The following NRG1 variants were observed in gnomAD, a reference collection of about 807,000 sequenced individuals.
NRG1 encodes the protein neuregulin 1, also known as pro-neuregulin-1, membrane-bound isoform.
NRG1 carries 18 observed loss-of-function variants against 63.8 expected under a neutral mutation model. That is an observed-to-expected ratio of 0.28 (90% CI 0.19 to 0.42). The LOEUF is 0.42. NRG1 is among the 10% of genes least tolerant of loss of function. The pLI is 1.00. For synonymous variants in NRG1, 302 were observed against 301.3 expected (o/e 1.00, Z -0.02); for missense variants, 762 against 814.7 (o/e 0.94, Z 0.79).
intron 1 of NRG1, among the ~76,000 whole-genome samples, chr8:32,217,510 C>T (rs1266485129): frequency 1.3e-5 from 2 of 152,160 alleles, no homozygotes; most frequent in African/African-American, 4.8e-5. Context: ...GTCATTTTCT[C>T]TTCCATCTAC....
At chr8:32,260,073 T>C (rs1850197324) in intron 1 of NRG1, among the ~76,000 whole-genome samples, 1 of 152,186 alleles carries the variant, frequency 6.6e-6, no homozygotes, top group Non-Finnish European at 1.5e-5. Flanking sequence ...AAATGAGTGA[T>C]ACTGGGACAC....
At chr8:32,170,167 G>T (rs1204131251) in intron 1 of NRG1, among the ~76,000 whole-genome samples, 6 of 152,132 alleles carry the variant, frequency 3.9e-5, no homozygotes, top group African/African-American at 1.4e-4. Context: ...AGAACCATTA[G>T]ACAATAATTT....
chr8:32,045,916 T>C lies in NRG1; in HGVS notation c.37+406485T>C, dbSNP rs144400107. Among the ~76,000 whole-genome samples, 180 of 152,028 alleles carry C rather than the reference T, an allele frequency of 1.2e-3. 1 individual carries two copies. Among genetic ancestry groups the C allele is most frequent in the Middle Eastern group, 3.4e-3 (1 of 292 alleles). On this transcript the variant is annotated intron_variant, in intron 1 of 10. Transcript: ENST00000519301. ...AGTTTGGGCATATCTAAGAAGAAAATATATGTATATATTTGATAATTTAAA... is the reference window on the plus strand; with the variant it reads ...AGTTTGGGCATATCTAAGAAGAAAACATATGTATATATTTGATAATTTAAA...
chr8:32,158,928 C>A (rs1327334015), intron 1 of NRG1, among the ~76,000 whole-genome samples: 1 of 152,024 alleles, frequency 6.6e-6, no homozygotes, highest in Non-Finnish European at 1.5e-5. Context: ...AGCCCCTGAG[C>A]CACCACACAG....
At chr8:32,450,168 T>G (rs1382254857) in intron 1 of NRG1, among the ~76,000 whole-genome samples, 1 of 152,176 alleles carries the variant, frequency 6.6e-6, no homozygotes, top group Non-Finnish European at 1.5e-5. Context: ...GCACTTTAAG[T>G]GGACATTATG....
chr8:31,795,725 G>C (rs1821140392), intron 1 of NRG1, among the ~76,000 whole-genome samples: 1 of 152,002 alleles, frequency 6.6e-6, no homozygotes, highest in African/African-American at 2.4e-5. Context: ...CAACAAATAT[G>C]TAGGTACAAT....
downstream of NRG1, among the ~76,000 whole-genome samples, chr8:32,771,310 G>T (rs1212581828): frequency 1.5e-5 from 2 of 136,456 alleles, no homozygotes; most frequent in Non-Finnish European, 3.1e-5. Flanking sequence ...TTTTTTGGTA[G>T]GGACAAGGTC....
At chr8:32,691,840 T>G (rs1412961054) in intron 5 of NRG1, among the ~76,000 whole-genome samples, 1 of 152,200 alleles carries the variant, frequency 6.6e-6, no homozygotes, top group Non-Finnish European at 1.5e-5. Context: ...TCTTTTAGCT[T>G]TTCACATGAA....
chr8:32,740,190 C>CTTTTTTTTTT (rs35219061), intron 6 of NRG1, among the ~76,000 whole-genome samples: 1 of 92,516 alleles, frequency 1.1e-5, no homozygotes, highest in Non-Finnish European at 2.0e-5. Flanking sequence ...GACCCAACCT[C>CTTTTTTTTTT]TTTTTTTTTT....
At chr8:31,890,729 C>T (rs970045316) in intron 1 of NRG1, among the ~76,000 whole-genome samples, 3 of 152,178 alleles carry the variant, frequency 2.0e-5, no homozygotes, top group African/African-American at 4.8e-5. Flanking sequence ...AACATTCTAT[C>T]ATAGGAATGA....
intron 1 of NRG1, among the ~76,000 whole-genome samples, chr8:32,484,090 A>T (rs1365523847): frequency 7.1e-6 from 1 of 141,322 alleles, no homozygotes; most frequent in Non-Finnish European, 1.5e-5. Flanking sequence ...GCGACAGAGC[A>T]AGACTCCGTA....
At chr8:32,514,605 T>C (rs1358560844) in intron 1 of NRG1, among the ~76,000 whole-genome samples, 1 of 152,064 alleles carries the variant, frequency 6.6e-6, no homozygotes, top group Non-Finnish European at 1.5e-5. Flanking sequence ...ACCAAATGCA[T>C]GTGTTTTTGT....
intron 1 of NRG1, among the ~76,000 whole-genome samples, chr8:32,559,501 C>T (rs1466760928): frequency 6.6e-6 from 1 of 152,074 alleles, no homozygotes; most frequent in Non-Finnish European, 1.5e-5. Flanking sequence ...ATGTGATATA[C>T]ATATGCATGG....
intron 1 of NRG1, among the ~76,000 whole-genome samples, chr8:31,652,604 C>T (rs562759326): frequency 6.6e-6 from 1 of 152,184 alleles, no homozygotes; most frequent in African/African-American, 2.4e-5. Context: ...ATATTGTTCT[C>T]TTTTCCCAGA....
At chr8:32,608,107 G>GTTTTTTTTTTT (rs1224928528) in intron 3 of NRG1, among the ~76,000 whole-genome samples, 9 of 104,786 alleles carry the variant, frequency 8.6e-5, no homozygotes, top group Non-Finnish European at 1.3e-4. Flanking sequence ...TTTTTTTTTT[G>GTTTTTTTTTTT]TTTTTTTTTT....
intron 1 of NRG1, among the ~76,000 whole-genome samples, chr8:32,464,728 G>A (rs1822843528): frequency 6.6e-6 from 1 of 152,012 alleles, no homozygotes; most frequent in Non-Finnish European, 1.5e-5. Flanking sequence ...AGAACTCATG[G>A]ATATCTATGT....
At chr8:32,689,799 C>T (rs1811119951) in intron 5 of NRG1, among the ~76,000 whole-genome samples, 1 of 152,098 alleles carries the variant, frequency 6.6e-6, no homozygotes, top group South Asian at 2.1e-4. Context: ...AAATATAGCT[C>T]ATGGCTTGAG....
At chr8:31,889,533 C>T (rs971878081) in intron 1 of NRG1, among the ~76,000 whole-genome samples, 9 of 152,168 alleles carry the variant, frequency 5.9e-5, no homozygotes, top group African/African-American at 1.9e-4. Flanking sequence ...CTGAAGGAGT[C>T]TTCAGGAGGG....
chr8:32,345,949 A>G (rs1804833956), intron 1 of NRG1, among the ~76,000 whole-genome samples: 2 of 151,918 alleles, frequency 1.3e-5, no homozygotes, highest in Admixed American at 6.6e-5. Context: ...CAGAAGTTGC[A>G]GTGAGCCAAG....
Sources: allele counts gnomAD v4.1 joint callset (sites outside exome capture counted in the v4.1 genomes callset), GRCh38; gene constraint gnomAD v4.1.1; transcripts MANE v1.5; gene names NCBI Gene and HGNC (gene_info 2026-07-23, HGNC 2026-07-21).